QPRT: variants seen among roughly 807,000 people sequenced by gnomAD.
QPRT encodes nicotinate-nucleotide pyrophosphorylase [carboxylating].
QPRT carries 17 observed loss-of-function variants against 19.8 expected under a neutral mutation model. The observed-to-expected ratio is 0.86, with a 90% CI of 0.59 to 1.29. QPRT has a LOEUF of 1.29. Among genes scored for constraint, QPRT ranks in the 50% most tolerant of loss-of-function variants. The pLI, the probability that QPRT is intolerant of heterozygous loss-of-function variation, is 0.00. For missense variants in QPRT, 336 were observed against 405.1 expected (o/e 0.83, Z 1.46); for synonymous variants, 178 against 191.0 (o/e 0.93, Z 0.56).
chr16:29,681,493 CTTTTTT>C (rs10680462), intron 1 of QPRT, among the ~76,000 whole-genome samples: 2 of 97,152 alleles, frequency 2.1e-5, no homozygotes, highest in East Asian at 3.2e-4. Context: ...GATCCAGATT[CTTTTTT>C]TTTTTTTTTT....
At chr16:29,695,484 C>CTTTTTTTTTTT (rs962384967) in intron 2 of QPRT, among the ~76,000 whole-genome samples, 12 of 93,618 alleles carry the variant, frequency 1.3e-4, no homozygotes, top group African/African-American at 2.1e-4. Flanking sequence ...CTAATTTTTG[C>CTTTTTTTTTTT]TTTTTTTTTT....
intron 1 of QPRT, among the ~76,000 whole-genome samples, chr16:29,682,920 A>G (rs1193720172): frequency 6.6e-6 from 1 of 151,966 alleles, no homozygotes; most frequent in African/African-American, 2.4e-5. Flanking sequence ...TTTTTTGATT[A>G]AAAAATGTTT....
intron 1 of QPRT, among the ~76,000 whole-genome samples, chr16:29,689,657 G>A (rs575457842): frequency 6.6e-6 from 1 of 152,178 alleles, no homozygotes; most frequent in East Asian, 1.9e-4. Context: ...CCGAAATCAG[G>A]CCTGGGCGTG....
chr16:29,684,908 C>T (rs1352442573), intron 1 of QPRT, among the ~76,000 whole-genome samples: 3 of 152,124 alleles, frequency 2.0e-5, no homozygotes, highest in Non-Finnish European at 4.4e-5. Context: ...GTGCCCGCGG[C>T]TGGCACGCCA....
intron 1 of QPRT, among the ~76,000 whole-genome samples, chr16:29,690,110 A>G (rs1406751910): frequency 6.6e-6 from 1 of 151,464 alleles, no homozygotes; most frequent in African/African-American, 2.5e-5. Flanking sequence ...TCCCACTTAT[A>G]AGTGAGAACA....
At position 29,695,202 on chromosome 16, in the gene QPRT, G is replaced by T; in HGVS notation, c.549+3G>T. 2.0e-6 allele frequency: 3 copies of T among 1,533,904 alleles called. No homozygotes were observed. The highest frequency in any genetic ancestry group is 1.2e-5 in the South Asian group (1 of 80,702). On this transcript the variant is annotated splice_donor_region_variant and intron_variant, in intron 2 of 3. Transcript: ENST00000395384. ...TGGCCGCCGGTGGCGTGGAGAAGGT[G>T]CTGGTCCTGCCTGTCCCTGGTCCAA...
intron 1 of QPRT, among the ~76,000 whole-genome samples, chr16:29,687,242 CTG>C (rs1294246384): frequency 6.6e-6 from 1 of 152,218 alleles, no homozygotes; most frequent in African/African-American, 2.4e-5. Context: ...TGGGCAAAGA[CTG>C]TGTCTGGCCA....
chr16:29,697,032 C>G lies in QPRT; in HGVS notation c.586C>G (p.Leu196Val), dbSNP rs761502413. The G allele has an allele frequency of 3.1e-6, 5 of 1,610,680 alleles. No homozygotes were observed. Among genetic ancestry groups the G allele is most frequent in the Non-Finnish European group, 4.2e-6 (5 of 1,179,268 alleles). The change falls in exon 3 of 4, where the codon CTG becomes GTG. Residue 196 changes from leucine to valine, a missense_variant. Leu to Val is a conservative substitution (Grantham distance 32). Coordinates refer to ENST00000395384, the MANE Select transcript of QPRT (RefSeq NM_014298.6). This position sits in a 1 kb window ranked among gnomAD's most constrained non-coding sequence, Gnocchi z 4.4. ...RAARQAADFT[L>V]KVEVECSSLQ... ...GGCCAGACAGGCGGCTGACTTCACT[C>G]TGAAGGTGGAAGTGGAATGCAGCAG...
intron 1 of QPRT, among the ~76,000 whole-genome samples, chr16:29,693,859 G>T (rs932829701): frequency 6.6e-6 from 1 of 152,098 alleles, no homozygotes; most frequent in African/African-American, 2.4e-5. Context: ...CAAAGTGCTG[G>T]GATTACAGGC....
Position 29,697,451 on chromosome 16 carries a change from G to A in QPRT, c.*40G>A, listed in dbSNP as rs562647622. The A allele has an allele frequency of 9.5e-6, 15 of 1,573,614 alleles. No homozygotes were observed. The East Asian group carries it at 1.8e-4, about 19-fold the overall frequency. ...AGGATGACACCGGCCATGGGTTAAC[G>A]TGGCTCCTCAGGACCCTCTGGGTCA... On this transcript the variant is annotated 3_prime_UTR_variant, in exon 4 of 4. Coordinates refer to ENST00000395384, the MANE Select transcript of QPRT (RefSeq NM_014298.6). The surrounding 1 kb of genome is among the most constrained non-coding windows in gnomAD (Gnocchi z 4.4).
At chr16:29,687,555 C>T (rs1967198049) in intron 1 of QPRT, among the ~76,000 whole-genome samples, 1 of 152,092 alleles carries the variant, frequency 6.6e-6, no homozygotes, top group Non-Finnish European at 1.5e-5. Flanking sequence ...TAATGACCTC[C>T]TCGTGCTGTT....
At chr16:29,685,061 T>C (rs1359055763) in intron 1 of QPRT, among the ~76,000 whole-genome samples, 1 of 152,228 alleles carries the variant, frequency 6.6e-6, no homozygotes, top group Non-Finnish European at 1.5e-5. Context: ...CACATCTCTT[T>C]AGCTACTAAT....
In QPRT at chr16:29,697,268, A is replaced by G. The variant is rs1372223431; in HGVS notation, c.751A>G (p.Ile251Val). ...PSVAVEASGGITLDNLPQFCG... is the reference protein window; with the variant it reads ...PSVAVEASGGVTLDNLPQFCG... ...TGTGGCTGTGGAAGCCAGTGGGGGCATCACCCTGGACAACCTCCCCCAGTT... is the reference window on the plus strand; with the variant it reads ...TGTGGCTGTGGAAGCCAGTGGGGGCGTCACCCTGGACAACCTCCCCCAGTT... The change falls in exon 4 of 4, where the codon ATC becomes GTC. Residue 251 changes from isoleucine to valine, a missense_variant. By Grantham distance (29) the Ile-to-Val change is conservative (BLOSUM62 3). Transcript: ENST00000395384. This position sits in a 1 kb window ranked among gnomAD's most constrained non-coding sequence, Gnocchi z 4.4. The G allele has an allele frequency of 1.2e-6, 2 of 1,614,070 alleles. No individual in the cohort carries two copies. Among genetic ancestry groups the G allele is most frequent in the Non-Finnish European group, 1.7e-6 (2 of 1,179,976 alleles).
Position 29,694,831 on chromosome 16 carries a change from G to T in QPRT, c.181G>T (p.Asp61Tyr). 1 of 1,614,098 alleles carries T rather than the reference G, an allele frequency of 6.2e-7. No homozygotes were observed. The highest frequency in any genetic ancestry group is 8.5e-7 in the Non-Finnish European group (1 of 1,179,968). ...PGVLAGQPFF[D>Y]AIFTQLNCQV... ...GGTACTGGCAGGGCAGCCTTTCTTC[G>T]ATGCCATATTTACCCAACTCAACTG... Residue 61 changes from aspartate to tyrosine, a missense_variant, in exon 2 of 4, where the codon GAT becomes TAT. Asp to Tyr is a radical substitution (Grantham distance 160). Coordinates refer to ENST00000395384, the MANE Select transcript of QPRT (RefSeq NM_014298.6).
intron 1 of QPRT, among the ~76,000 whole-genome samples, chr16:29,680,339 C>T (rs541139259): frequency 7.2e-5 from 11 of 152,222 alleles, no homozygotes; most frequent in African/African-American, 2.4e-4. Flanking sequence ...CACATTCCAA[C>T]GCTTCAAGGA....
Position 29,683,773 on chromosome 16 carries a change from G to A in QPRT, c.13+4563G>A, listed in dbSNP as rs1193890968. Among the ~76,000 whole-genome samples, 5 of 152,112 alleles carry A rather than the reference G, an allele frequency of 3.3e-5. No individual in the cohort carries two copies. In the South Asian group the frequency reaches 8.3e-4, roughly 25 times the overall value. On this transcript the variant is annotated intron_variant, in intron 1 of 3. Coordinates refer to ENST00000395384, the MANE Select transcript of QPRT (RefSeq NM_014298.6). ...CCCAGAGATTCTGGTTCACTGGGTTGGAATGGGCCTGAGCATCTGAAAGTT... is the reference window on the plus strand; with the variant it reads ...CCCAGAGATTCTGGTTCACTGGGTTAGAATGGGCCTGAGCATCTGAAAGTT...
chr16:29,697,090 G>A lies in QPRT; in HGVS notation c.644G>A (p.Gly215Asp), dbSNP rs1447713968. Residue 215 changes from glycine (G) to aspartate (D), a missense_variant, in exon 3 of 4, where the codon GGT becomes GAT. Gly to Asp is a moderately conservative substitution (Grantham distance 94). Coordinates refer to ENST00000395384, the MANE Select transcript of QPRT (RefSeq NM_014298.6). This position sits in a 1 kb window ranked among gnomAD's most constrained non-coding sequence, Gnocchi z 4.4. ...GAGGCCGTGCAGGCAGCTGAGGCTGGTGCCGACCTTGTCCTGCTGGACAAC... is the reference window on the plus strand; with the variant it reads ...GAGGCCGTGCAGGCAGCTGAGGCTGATGCCGACCTTGTCCTGCTGGACAAC... ...LQEAVQAAEA[G>D]ADLVLLDNFK... 6.2e-7 allele frequency: 1 copy of A among 1,611,280 alleles called. No homozygotes were observed. Among genetic ancestry groups the A allele is most frequent in the Non-Finnish European group, 8.5e-7 (1 of 1,178,582 alleles).
chr16:29,679,254 C>G, intron 1 of QPRT, 44 bp downstream of exon 1: 2 of 1,489,574 alleles, frequency 1.3e-6, no homozygotes, highest in Non-Finnish European at 1.9e-6. Context: ...CCCATCCCCC[C>G]ACTGCCTACC....
chr16:29,685,574 C>G (rs116093558), intron 1 of QPRT, among the ~76,000 whole-genome samples: 107 of 152,304 alleles, frequency 7.0e-4, no homozygotes, highest in African/African-American at 2.4e-3. Context: ...CAGGTGACAG[C>G]CACCGCGCCC....
Sources: allele counts gnomAD v4.1 joint callset (sites outside exome capture counted in the v4.1 genomes callset), GRCh38; gene constraint gnomAD v4.1.1; non-coding constraint Gnocchi (gnomAD v3.1); transcripts MANE v1.5; gene names NCBI Gene and HGNC (gene_info 2026-07-23, HGNC 2026-07-21).